The following NSMCE2 variants were observed in gnomAD, a reference collection of about 807,000 sequenced individuals.
The protein encoded by NSMCE2 is NSE2 SUMO ligase component of SMC5/6 complex.
Under a neutral mutation model 23.8 loss-of-function variants are expected in NSMCE2, and 24 were observed. The ratio of observed to expected loss-of-function variants is 1.01; its 90% confidence interval spans 0.73 to 1.42. The LOEUF is 1.42. Ranked by LOEUF, NSMCE2 falls within the 40% of genes most tolerant of loss-of-function variation. The pLI is 0.00. For synonymous variants in NSMCE2, 92 were observed against 94.1 expected (o/e 0.98, Z 0.13); for missense variants, 284 against 296.5 (o/e 0.96, Z 0.31).
At chr8:125,277,047 T>G (rs957533008) in intron 5 of NSMCE2, among the ~76,000 whole-genome samples, 4 of 152,358 alleles carry the variant, frequency 2.6e-5, no homozygotes, top group African/African-American at 7.2e-5. Context: ...ATACTCTGCC[T>G]TGTATCCTGT....
chr8:125,264,431 G>T (rs1489452979), intron 5 of NSMCE2, among the ~76,000 whole-genome samples: 1 of 152,102 alleles, frequency 6.6e-6, no homozygotes, highest in South Asian at 2.1e-4. Context: ...TTTTGAAATG[G>T]AGTCTCTCTC....
chr8:125,267,208 G>C (rs906739859), intron 5 of NSMCE2, among the ~76,000 whole-genome samples: 1 of 151,710 alleles, frequency 6.6e-6, no homozygotes, highest in African/African-American at 2.4e-5. Flanking sequence ...GGGTTTCACC[G>C]TGTTGGCCAG....
chr8:125,105,959 TAAACAAC>T (rs1818436792), intron 3 of NSMCE2, among the ~76,000 whole-genome samples: 1 of 152,032 alleles, frequency 6.6e-6, no homozygotes, highest in Non-Finnish European at 1.5e-5. Context: ...AAAAGTGAAC[TAAACAAC>T]TTAGACAGAC....
At chr8:125,271,209 A>C (rs986209845) in intron 5 of NSMCE2, among the ~76,000 whole-genome samples, 56 of 151,654 alleles carry the variant, frequency 3.7e-4, no homozygotes, top group African/African-American at 1.3e-3. Context: ...TGCAGTGAGC[A>C]GAGATTATGC....
chr8:125,171,605 G>A lies in NSMCE2; in HGVS notation c.265-10498G>A, dbSNP rs375945304. Among the ~76,000 whole-genome samples the A allele has an allele frequency of 2.0e-5, 3 of 152,200 alleles. No homozygotes were observed. The East Asian group carries it at 5.8e-4, about 29-fold the overall frequency. ...TAATAAATAGTTGAGAGCAGCTGCT[G>A]CTACTAATACTGCTGCTAATTCTGA... On this transcript the variant is annotated intron_variant, in intron 4 of 7. Coordinates refer to ENST00000287437, the MANE Select transcript of NSMCE2 (RefSeq NM_173685.4).
rs931769190 is a variant in NSMCE2, at chr8:125,276,741, C to G, written c.419-80478C>G. 2.6e-5 allele frequency among the ~76,000 whole-genome samples: 4 copies of G among 152,058 alleles called. No homozygotes were observed. In the South Asian group the frequency reaches 6.2e-4, roughly 24 times the overall value. On this transcript the variant is annotated intron_variant, in intron 5 of 7. Coordinates refer to ENST00000287437, the MANE Select transcript of NSMCE2 (RefSeq NM_173685.4). The stretch of plus-strand genomic sequence containing the variant: ...TTTTTGTTTGTTTCATCCTAATAAC[C>G]CAATGAAGTTAGTGTTATTCCTGTT...
chr8:125,131,550 C>T (rs1424205783), intron 3 of NSMCE2, among the ~76,000 whole-genome samples: 1 of 152,078 alleles, frequency 6.6e-6, no homozygotes, highest in East Asian at 1.9e-4. Flanking sequence ...CTTATGCACA[C>T]CTTGCCCAGC....
intron 4 of NSMCE2, among the ~76,000 whole-genome samples, chr8:125,168,978 G>T (rs1190436671): frequency 6.6e-6 from 1 of 152,076 alleles, no homozygotes; most frequent in Non-Finnish European, 1.5e-5. Context: ...AGATGAGGAA[G>T]CTAGGGCTTG....
rs145572103 is a variant in NSMCE2, at chr8:125,282,308, T to C, written c.419-74911T>C. 4.4e-3 allele frequency among the ~76,000 whole-genome samples: 667 copies of C among 152,214 alleles called. 3 individuals are homozygous for C. Among genetic ancestry groups the C allele is most frequent in the African/African-American group, 0.015 (641 of 41,542 alleles). On this transcript the variant is annotated intron_variant, in intron 5 of 7. Coordinates refer to ENST00000287437, the MANE Select transcript of NSMCE2 (RefSeq NM_173685.4). ...TTTGTATTTTTAGTAGAGCCGGGGT[T>C]TCACCATGTTGGCCAGGCTCGTCTC...
intron 4 of NSMCE2, among the ~76,000 whole-genome samples, chr8:125,176,398 T>C (rs954062976): frequency 6.6e-6 from 1 of 152,234 alleles, no homozygotes; most frequent in Non-Finnish European, 1.5e-5. Flanking sequence ...TTACACTTTT[T>C]CTTTTTAAAC....
chr8:125,211,599 T>A (rs1824349028), intron 5 of NSMCE2, among the ~76,000 whole-genome samples: 1 of 152,184 alleles, frequency 6.6e-6, no homozygotes, highest in Non-Finnish European at 1.5e-5. Flanking sequence ...GTAAGGTAAA[T>A]ACTGGTGGGA....
At chr8:125,126,062 A>C (rs1563665660) in intron 3 of NSMCE2, among the ~76,000 whole-genome samples, 1 of 152,138 alleles carries the variant, frequency 6.6e-6, no homozygotes, top group Non-Finnish European at 1.5e-5. Context: ...TTTGTTCATT[A>C]TACAAACATC....
At chr8:125,353,780 G>T (rs1332959639) in intron 5 of NSMCE2, among the ~76,000 whole-genome samples, 1 of 151,772 alleles carries the variant, frequency 6.6e-6, no homozygotes, top group Middle Eastern at 3.2e-3. Context: ...CTATTTGGGA[G>T]GCTGAGGCAG....
chr8:125,284,275 C>T (rs191137478), intron 5 of NSMCE2, among the ~76,000 whole-genome samples: 23 of 151,470 alleles, frequency 1.5e-4, no homozygotes, highest in African/African-American at 4.6e-4. Flanking sequence ...AGTATGTCTT[C>T]GACTCTCACA....
At position 125,135,241 on chromosome 8, in the gene NSMCE2, A is replaced by G. The variant is rs536388553; in HGVS notation, c.158-15930A>G. ...CCTAAAAAAGATTTTTTGGGGGACA[A>G]GCTCTCTCTATATTGCCCAGGTTGG... is the stretch of plus-strand genomic sequence containing the variant. On this transcript the variant is annotated intron_variant, in intron 3 of 7. Transcript: ENST00000287437. 3.2e-4 allele frequency among the ~76,000 whole-genome samples: 48 copies of G among 152,230 alleles called. No individual in the cohort carries two copies. In the Middle Eastern group the frequency reaches 0.01, roughly 32 times the overall value.
chr8:125,164,979 A>G (rs1419843590), intron 4 of NSMCE2, among the ~76,000 whole-genome samples: 1 of 152,228 alleles, frequency 6.6e-6, no homozygotes, highest in Non-Finnish European at 1.5e-5. Context: ...ATAAGTCTCC[A>G]TGATAGAAGA....
chr8:125,135,055 C>T (rs1409636700), intron 3 of NSMCE2, among the ~76,000 whole-genome samples: 2 of 151,940 alleles, frequency 1.3e-5, no homozygotes, highest in Admixed American at 1.3e-4. Context: ...CCACAGATGC[C>T]ACAAATGCCA....
At chr8:125,124,425 T>C (rs979503191) in intron 3 of NSMCE2, among the ~76,000 whole-genome samples, 40 of 152,322 alleles carry the variant, frequency 2.6e-4, no homozygotes, top group African/African-American at 9.6e-4. Flanking sequence ...TGAACTCATT[T>C]ATTTGTTCTC....
chr8:125,224,193 C>T lies in NSMCE2; in HGVS notation c.418+41937C>T, dbSNP rs981447771. 2.6e-5 allele frequency among the ~76,000 whole-genome samples: 4 copies of T among 152,204 alleles called. No individual in the cohort carries two copies. In the South Asian group the frequency reaches 6.2e-4, roughly 24 times the overall value. On this transcript the variant is annotated intron_variant, in intron 5 of 7. Coordinates refer to ENST00000287437, the MANE Select transcript of NSMCE2 (RefSeq NM_173685.4). ...TCTTGCTATTTAGTTGTTTGAGTTC[C>T]TTATGTATTTTGGATGTTAGCTCAT...
Sources: allele counts gnomAD v4.1 joint callset (sites outside exome capture counted in the v4.1 genomes callset), GRCh38; gene constraint gnomAD v4.1.1; transcripts MANE v1.5; gene names NCBI Gene and HGNC (gene_info 2026-07-23, HGNC 2026-07-21).